Variants in TTN observed in about 807,000 individuals in gnomAD.
TTN encodes the protein connectin.
In TTN, 1,525 loss-of-function variants were observed where a neutral mutation model predicts 3,223.0. The observed-to-expected ratio is 0.47, with a 90% CI of 0.45 to 0.49. The LOEUF (loss-of-function observed/expected upper bound fraction) is 0.49. Ranked by LOEUF, TTN falls within the 20% of genes least tolerant of loss-of-function variation. TTN has a pLI of 0.00. For synonymous variants in TTN, 14,094 were observed against 15,161.0 expected (o/e 0.93, Z 5.17); for missense variants, 40,786 against 43,424.0 (o/e 0.94, Z 5.40).
chr2:178,611,100 G>A lies in TTN; in HGVS notation c.51029C>T (p.Ala17010Val), dbSNP rs1164633775. 6.2e-7 allele frequency: 1 copy of A among 1,612,842 alleles called. No individual in the cohort carries two copies. Among genetic ancestry groups the A allele is most frequent in the South Asian group, 1.1e-5 (1 of 91,048 alleles). The change falls in exon 270 of 363, where the codon GCA (alanine) becomes GTA (valine). Residue 17010 changes from alanine (A) to valine (V), a missense_variant. By Grantham distance (64) the Ala-to-Val change is moderately conservative. Coordinates refer to ENST00000589042, the MANE Select transcript of TTN (RefSeq NM_001267550.2). ...RLTMKNDHISAHLEVPKSVRA... is the reference protein window; with the variant it reads ...RLTMKNDHISVHLEVPKSVRA... The stretch of plus-strand genomic sequence containing the variant: ...GACACTCTTGGGAACTTCAAGGTGT[G>A]CAGAGATGTGATCATTCTTCATTGT...
At chr2:178,556,453 A>G in intron 330 of TTN, 1 of 217,908 alleles carries the variant, frequency 4.6e-6, no homozygotes, top group South Asian at 7.4e-5. Context: ...CAAACAAACA[A>G]ACAAAAAAAA....
Position 178,651,289 on chromosome 2 carries a change from T to G in TTN, c.39579A>C (p.Glu13193Asp). Residue 13193 changes from glutamate to aspartate, a missense_variant, in exon 208 of 363, where the codon GAA becomes GAC. Glu to Asp is a conservative substitution (Grantham distance 45). Coordinates refer to ENST00000589042, the MANE Select transcript of TTN (RefSeq NM_001267550.2). ...GCTTTTTGGGAACAGCTACTTTCTT[T>G]TCTGGAACAACTTCTTTTGGAACTT... ...VPEVPKEVVP[E>D]KKVAVPKKPE... 1 of 1,613,220 alleles carries G rather than the reference T, an allele frequency of 6.2e-7. No homozygotes were observed. The highest frequency in any genetic ancestry group is 8.5e-7 in the Non-Finnish European group (1 of 1,179,442).
In TTN at chr2:178,598,976, C is replaced by A; in HGVS notation, c.56734G>T (p.Gly18912Ter). Reference sequence around the variant, plus strand: ...CAGTACCCTGTCACAGGAGAGCCTCCATCATATTCTGGCTCTTCCCAGTTG... The same window carrying A: ...CAGTACCCTGTCACAGGAGAGCCTCAATCATATTCTGGCTCTTCCCAGTTG... ...TVNWEEPEYD[G>*]GSPVTGYWLE... The change falls in exon 291 of 363, where the codon GGA (glycine) becomes TGA (stop). Residue 18912 changes from glycine to a stop codon, truncating the protein, a stop_gained. Transcript: ENST00000589042. LOFTEE classifies it high-confidence loss of function. The A allele has an allele frequency of 6.2e-7, 1 of 1,612,182 alleles. No individual in the cohort carries two copies. Among genetic ancestry groups the A allele is most frequent in the Non-Finnish European group, 8.5e-7 (1 of 1,179,214 alleles).
In TTN at chr2:178,607,592, C is replaced by G. The variant is rs72646808; in HGVS notation, c.53096G>C (p.Arg17699Pro). The change falls in exon 277 of 363, where the codon CGC becomes CCC. Residue 17699 changes from arginine to proline, a missense_variant. Transcript: ENST00000589042. ...GGTCCATACTTTTGTAGGTACAGGG[C>G]GACCAGTCACCACAGCTGGAATTCT... The part of the protein sequence containing the change: ...TLRIPAVVTG[R>P]PVPTKVWTKE... 1.9e-6 allele frequency: 3 copies of G among 1,613,000 alleles called. No homozygotes were observed. In the African/African-American group the frequency reaches 4.0e-5, roughly 22 times the overall value.
intron 96 of TTN, 48 bp from the exon 97 acceptor site, chr2:178,711,397 T>C (rs2076632185): frequency 2.0e-6 from 3 of 1,508,106 alleles, no homozygotes; most frequent in Non-Finnish European, 2.7e-6. Context: ...TACTAAATGC[T>C]CTTCTCACAA....
In TTN at chr2:178,617,263, AAC is replaced by A. The variant is rs1559838377; in HGVS notation, c.47761-31_47761-30del. 13 of 1,538,324 alleles carry A rather than the reference AAC, an allele frequency of 8.5e-6. No homozygotes were observed. In the South Asian group the frequency reaches 1.3e-4, roughly 15 times the overall value. The stretch of plus-strand genomic sequence containing the variant: ...CGATTATGAATTAATATTTGTAAAA[AAC>A]ACATACAGTTATGTCCATGATCCAC... On this transcript the variant is annotated intron_variant, in intron 254 of 362. Coordinates refer to ENST00000589042, the MANE Select transcript of TTN (RefSeq NM_001267550.2).
At chr2:178,675,650 C>G in intron 149 of TTN, 21 bp downstream of exon 149, 2 of 1,391,130 alleles carry the variant, frequency 1.4e-6, no homozygotes, top group Non-Finnish European at 1.9e-6. Context: ...GCAAACATAT[C>G]CCTGTTATGG....
chr2:178,595,954 C>T, intron 294 of TTN, 145 bp from the exon 295 acceptor site: 5 of 665,200 alleles, frequency 7.5e-6, no homozygotes, highest in South Asian at 6.8e-5. Flanking sequence ...TTTCCTTCTG[C>T]TATCTAGTCA....
In TTN at chr2:178,724,507, C is replaced by T. The variant is rs367929968; in HGVS notation, c.20868G>A (p.Pro6956=). 7.3e-5 allele frequency: 118 copies of T among 1,605,488 alleles called. No individual in the cohort carries two copies. Among genetic ancestry groups the T allele is most frequent in the Non-Finnish European group, 8.8e-5 (103 of 1,173,818 alleles). Reference sequence around the variant, plus strand: ...ACGTTTCTCCTACAGTCACCGTCATCGGTCCTGCCTTCTCAACAATGACTG... The same window carrying T: ...ACGTTTCTCCTACAGTCACCGTCATTGGTCCTGCCTTCTCAACAATGACTG... ...EPAVIVEKAG[P]MTVTVGETCT... The change falls in exon 72 of 363, where the codon CCG becomes CCA. Residue 6956 remains proline, a synonymous_variant. Coordinates refer to ENST00000589042, the MANE Select transcript of TTN (RefSeq NM_001267550.2).
At chr2:178,736,129 TAA>T in intron 49 of TTN, 55 bp from the exon 50 acceptor site, 3 of 1,446,444 alleles carry the variant, frequency 2.1e-6, no homozygotes, top group Non-Finnish European at 2.8e-6. Context: ...GCACTTGCTG[TAA>T]TTATATATTC....
chr2:178,600,342 C>A (rs1192744837), intron 288 of TTN: 1 of 151,446 alleles, frequency 6.6e-6, no homozygotes, highest in African/African-American at 2.4e-5. Context: ...AGTTTCTTCA[C>A]ACTTAGATGA....
In TTN at chr2:178,565,579, G is replaced by A. The variant is rs189790119; in HGVS notation, c.80553C>T (p.Phe26851=). 1.4e-4 allele frequency: 218 copies of A among 1,613,558 alleles called. No homozygotes were observed. The East Asian group carries it at 4.4e-3, about 33-fold the overall frequency. Residue 26851 remains phenylalanine (F), a synonymous_variant, in exon 326 of 363, where the codon TTC becomes TTT. Transcript: ENST00000589042. ...TGLSSGQEYQ[F]RVKAYNEKGK... ...CTTTCTCATTATAAGCCTTGACACGGAACTGATATTCTTGTCCAGAACTCA... is the reference window on the plus strand; with the variant it reads ...CTTTCTCATTATAAGCCTTGACACGAAACTGATATTCTTGTCCAGAACTCA...
At chr2:178,676,031 T>C (rs1382007607) in intron 147 of TTN, 36 bp from the exon 148 acceptor site, 26 of 1,556,438 alleles carry the variant, frequency 1.7e-5, no homozygotes, top group Non-Finnish European at 2.3e-5. Context: ...GGATTTATTT[T>C]GAAGGACAAA....
chr2:178,770,221 C>A lies in TTN; in HGVS notation c.8480G>T (p.Trp2827Leu). ...SVSHDTVPVK[W>L]FHKSVEIKPS... ...CTTAATTTCCACACTCTTATGGAAC[C>A]ATTTTACTGGAACAGTGTCATGGGA... Residue 2827 changes from tryptophan to leucine, a missense_variant, in exon 36 of 363, where the codon TGG becomes TTG. Physicochemically the swap from Trp to Leu is moderately conservative, Grantham distance 61. Transcript: ENST00000589042. The A allele has an allele frequency of 1.2e-6, 2 of 1,614,134 alleles. No individual in the cohort carries two copies. The highest frequency in any genetic ancestry group is 1.7e-6 in the Non-Finnish European group (2 of 1,180,008).
chr2:178,550,640 G>A (rs146644752), intron 336 of TTN: 43 of 416,768 alleles, frequency 1.0e-4, no homozygotes, highest in African/African-American at 8.7e-4. Flanking sequence ...GATGTATGTT[G>A]TATTTTAATA....
intron 104 of TTN, 25 bp from the exon 105 acceptor site, chr2:178,704,802 C>G: frequency 6.2e-7 from 1 of 1,606,200 alleles, no homozygotes; most frequent in Non-Finnish European, 8.5e-7. Flanking sequence ...AATTAAAACA[C>G]ATTTGTTACT....
Position 178,572,964 on chromosome 2 carries a change from T to C in TTN, c.73168A>G (p.Thr24390Ala), listed in dbSNP as rs182491843. 3.6e-4 allele frequency: 581 copies of C among 1,613,206 alleles called. 1 individual carries two copies. The African/African-American group carries it at 6.9e-3, about 19-fold the overall frequency. Residue 24390 changes from threonine (T) to alanine (A), a missense_variant, in exon 326 of 363, where the codon ACA becomes GCA. Physicochemically the swap from Thr to Ala is moderately conservative, Grantham distance 58 (BLOSUM62 0). Transcript: ENST00000589042. ...KATSYTITGLTENQEYKIRIY... is the reference protein window; with the variant it reads ...KATSYTITGLAENQEYKIRIY... The stretch of plus-strand genomic sequence containing the variant: ...CGGATCTTATATTCCTGATTCTCTG[T>C]GAGGCCAGTGATAGTATACGAAGTT...
chr2:178,589,859 A>T lies in TTN; in HGVS notation c.61866T>A (p.Asp20622Glu). 6.2e-7 allele frequency: 1 copy of T among 1,613,492 alleles called. No individual in the cohort carries two copies. ...NQKGWSIVAS[D>E]VTKRLIKANL... Reference sequence around the variant, plus strand: ...TGGCCTTGATTAATCGTTTAGTGACATCTGATGCAACAATTGACCAGCCTT... The same window carrying T: ...TGGCCTTGATTAATCGTTTAGTGACTTCTGATGCAACAATTGACCAGCCTT... The change falls in exon 304 of 363, where the codon GAT becomes GAA. Residue 20622 changes from aspartate (D) to glutamate (E), a missense_variant. Physicochemically the swap from Asp to Glu is conservative, Grantham distance 45. Transcript: ENST00000589042.
chr2:178,564,008 C>T lies in TTN; in HGVS notation c.82124G>A (p.Gly27375Glu), dbSNP rs776304593. 5 of 1,613,658 alleles carry T rather than the reference C, an allele frequency of 3.1e-6. No individual in the cohort carries two copies. Among genetic ancestry groups the T allele is most frequent in the South Asian group, 1.1e-5 (1 of 91,078 alleles). Reference protein sequence around the residue: ...KVLDRPGPPEGPLKVTGVTAE... With the variant: ...KVLDRPGPPEEPLKVTGVTAE... ...AGTAACTCCAGTAACTTTCAGAGGC[C>T]CTTCAGGAGGCCCTGGCCTGTCAAG... The change falls in exon 326 of 363, where the codon GGG becomes GAG. Residue 27375 changes from glycine (G) to glutamate (E), a missense_variant. Gly to Glu is a moderately conservative substitution (Grantham distance 98, BLOSUM62 -2). Coordinates refer to ENST00000589042, the MANE Select transcript of TTN (RefSeq NM_001267550.2).
Sources: gnomAD v4.1 joint callset for allele counts on GRCh38, gnomAD v4.1.1 for gene constraint, MANE v1.5 for transcripts, NCBI Gene and HGNC (gene_info 2026-07-23, HGNC 2026-07-21) for gene names.